Variants in LARGE1 observed in about 807,000 individuals in gnomAD.
The protein encoded by LARGE1 is LARGE xylosyl- and glucuronyltransferase 1, also known as xylosyl- and glucuronyltransferase LARGE1.
Under a neutral mutation model 87.6 loss-of-function variants are expected in LARGE1, and 43 were observed. The ratio of observed to expected loss-of-function variants is 0.49; its 90% CI spans 0.38 to 0.63. The LOEUF is 0.63. Among genes scored for constraint, LARGE1 ranks in the 30% least tolerant of loss-of-function variants. LARGE1 has a pLI of 0.00. For missense variants in LARGE1, 802 were observed against 1,000.2 expected, an observed-to-expected ratio of 0.80 and a Z score of 2.67; for synonymous variants, 434 against 394.6, an observed-to-expected ratio of 1.10 and a Z score of -1.18.
intron 6 of LARGE1, among the ~76,000 whole-genome samples, chr22:33,548,914 C>A (rs1547070): frequency 1.3e-5 from 2 of 152,010 alleles, no homozygotes; most frequent in African/African-American, 2.4e-5. Flanking sequence ...TAAGCAGTAA[C>A]GAAGAGAAGC....
intron 4 of LARGE1, among the ~76,000 whole-genome samples, chr22:33,605,111 A>G (rs573793589): frequency 1.2e-3 from 185 of 151,884 alleles, no homozygotes; most frequent in African/African-American, 4.2e-3. Context: ...TAATATTTCT[A>G]TAGCTTTTGT....
At chr22:33,706,183 T>A in intron 2 of LARGE1, among the ~76,000 whole-genome samples, 1 of 152,186 alleles carries the variant, frequency 6.6e-6, no homozygotes, top group East Asian at 1.9e-4. Context: ...AGTGCTGAGT[T>A]TATTTCAACC....
intron 4 of LARGE1, among the ~76,000 whole-genome samples, chr22:33,606,010 T>C (rs2079244877): frequency 6.6e-6 from 1 of 152,002 alleles, no homozygotes. Context: ...AGACAAAGGC[T>C]GGGCCCAGGG....
chr22:33,796,813 G>A (rs866521370), intron 1 of LARGE1, among the ~76,000 whole-genome samples: 51 of 135,256 alleles, frequency 3.8e-4, no homozygotes, highest in African/African-American at 1.3e-3. Flanking sequence ...ATGTCGCTCC[G>A]TCTCCTAGGC....
At chr22:33,585,277 CTATCCAGAGA>C (rs2078638954) in intron 5 of LARGE1, among the ~76,000 whole-genome samples, 1 of 152,052 alleles carries the variant, frequency 6.6e-6, no homozygotes, top group South Asian at 2.1e-4. Flanking sequence ...TTTTGGTTGC[CTATCCAGAGA>C]GCTACACTTC....
chr22:33,349,407 A>G (rs1314409525), intron 9 of LARGE1, among the ~76,000 whole-genome samples: 1 of 152,184 alleles, frequency 6.6e-6, no homozygotes, highest in African/African-American at 2.4e-5. Flanking sequence ...TGTGATGTGA[A>G]TCAAGTCTGT....
intron 11 of LARGE1, among the ~76,000 whole-genome samples, chr22:33,236,307 A>T (rs1036447733): frequency 1.3e-5 from 2 of 152,228 alleles, no homozygotes; most frequent in Admixed American, 1.3e-4. Context: ...ACAGAAGAAT[A>T]AAACAATGAT....
In LARGE1 at chr22:33,824,743, A is replaced by T. The variant is rs1469895614; in HGVS notation, c.-82-63185T>A. Among the ~76,000 whole-genome samples the T allele has an allele frequency of 1.3e-5, 2 of 152,256 alleles. 1 individual carries two copies. The highest frequency in any genetic ancestry group is 1.3e-4 in the Admixed American group (2 of 15,288). Reference sequence around the variant, plus strand: ...TAAAGTCCAAACATTTTCTAATAATAGTAGCATGTAACTCATAGGACTATA... The same window carrying T: ...TAAAGTCCAAACATTTTCTAATAATTGTAGCATGTAACTCATAGGACTATA... On this transcript the variant is annotated intron_variant, in intron 1 of 14. Coordinates refer to ENST00000397394, the MANE Select transcript of LARGE1 (RefSeq NM_133642.5).
intron 10 of LARGE1, among the ~76,000 whole-genome samples, chr22:33,332,584 T>C (rs1221847061): frequency 1.3e-5 from 2 of 152,188 alleles, no homozygotes; most frequent in Non-Finnish European, 2.9e-5. Context: ...ACTTGGTTTC[T>C]TTCAGACTCA....
intron 11 of LARGE1, among the ~76,000 whole-genome samples, chr22:33,179,423 C>T (rs1344989838): frequency 6.6e-6 from 1 of 152,098 alleles, no homozygotes; most frequent in African/African-American, 2.4e-5. Context: ...GTTAATGACA[C>T]AAATAGCCCT....
At chr22:33,330,457 G>T (rs1309434525) in intron 10 of LARGE1, among the ~76,000 whole-genome samples, 1 of 152,200 alleles carries the variant, frequency 6.6e-6, no homozygotes, top group Middle Eastern at 3.4e-3. Context: ...AAAAGTGCAA[G>T]GATTATAGGC....
chr22:33,687,153 C>CT (rs958730572), intron 2 of LARGE1, among the ~76,000 whole-genome samples: 1,814 of 139,342 alleles, frequency 0.013, 17 homozygotes, highest in Middle Eastern at 0.033. Context: ...CCACCTCTTC[C>CT]TTTTTTTTTT....
At chr22:33,245,754 C>G (rs1005703252) in intron 11 of LARGE1, among the ~76,000 whole-genome samples, 1 of 152,022 alleles carries the variant, frequency 6.6e-6, no homozygotes, top group African/African-American at 2.4e-5. Context: ...ATCAAAAATA[C>G]AAAAATTAGC....
At chr22:33,586,544 G>A (rs895998096) in intron 5 of LARGE1, among the ~76,000 whole-genome samples, 78 of 149,118 alleles carry the variant, frequency 5.2e-4, no homozygotes, top group Non-Finnish European at 7.5e-4. Context: ...GGCAAGCTCC[G>A]CCTCCTGGGT....
rs945891204 is a variant in LARGE1 at position 33,187,132 on chromosome 22, C to T, written c.1731-20300G>A. Among the ~76,000 whole-genome samples the T allele has an allele frequency of 7.9e-5, 12 of 152,158 alleles. No homozygotes were observed. In the South Asian group the frequency reaches 1.9e-3, roughly 24 times the overall value. ...ACTACCATATGATCCAGCAGTCCCA[C>T]GACTGGGTATAAATTCAAAGGAAAT... On this transcript the variant is annotated intron_variant, in intron 11 of 11. Transcript: ENST00000608642.
At chr22:33,222,936 C>T (rs1369125259) in intron 11 of LARGE1, among the ~76,000 whole-genome samples, 1 of 152,166 alleles carries the variant, frequency 6.6e-6, no homozygotes, top group Non-Finnish European at 1.5e-5. Context: ...TTGCAGGCCC[C>T]CCCAGTCTCC....
chr22:33,712,233 A>G (rs1356639098), intron 2 of LARGE1, among the ~76,000 whole-genome samples: 1 of 152,144 alleles, frequency 6.6e-6, no homozygotes, highest in Non-Finnish European at 1.5e-5. Context: ...AAAAAGGGCA[A>G]ATCCTACCCG....
chr22:33,242,581 A>T (rs1926573632), intron 11 of LARGE1, among the ~76,000 whole-genome samples: 2 of 152,004 alleles, frequency 1.3e-5, no homozygotes, highest in South Asian at 4.1e-4. Context: ...CGTTTTTTTC[A>T]TATATATGTT....
At chr22:33,773,162 G>C (rs1374746315) in intron 1 of LARGE1, among the ~76,000 whole-genome samples, 1 of 152,144 alleles carries the variant, frequency 6.6e-6, no homozygotes, top group Non-Finnish European at 1.5e-5. Context: ...CCTCCCTCCG[G>C]GTCTGGGGCC....
Sources: allele counts gnomAD v4.1 joint callset (sites outside exome capture counted in the v4.1 genomes callset), GRCh38; gene constraint gnomAD v4.1.1; transcripts MANE v1.5; gene names NCBI Gene and HGNC (gene_info 2026-07-23, HGNC 2026-07-21).